The following TET3 variants were observed in gnomAD, a reference collection of about 807,000 sequenced individuals.
TET3 encodes tet methylcytosine dioxygenase 3.
In TET3, 19 loss-of-function variants were observed where a neutral mutation model predicts 141.4. The observed-to-expected ratio is 0.13, with a 90% CI of 0.09 to 0.20. The LOEUF (loss-of-function observed/expected upper bound fraction) is 0.20. Ranked by LOEUF, TET3 falls within the 10% of genes least tolerant of loss-of-function variation. The probability of loss-of-function intolerance (pLI) is 1.00; values close to 1 mark genes in which losing one functional copy is unlikely to be tolerated. For missense variants in TET3, 1,874 were observed against 2,356.9 expected, an observed-to-expected ratio of 0.80 and a Z score of 4.24; for synonymous variants, 1,043 against 980.9, an observed-to-expected ratio of 1.06 and a Z score of -1.18.
intron 5 of TET3, among the ~76,000 whole-genome samples, chr2:74,079,463 C>T (rs2103985320): frequency 1.3e-5 from 2 of 152,308 alleles, no homozygotes; most frequent in South Asian, 2.1e-4. Flanking sequence ...GGTGATATGA[C>T]ATTGCACCTG....
the TET3 span, among the ~76,000 whole-genome samples, chr2:74,123,893 C>G: frequency 6.7e-6 from 1 of 149,398 alleles, no homozygotes. Context: ...ATGTGAGGAG[C>G]GCCTCTGCCA....
chr2:74,027,112 G>A (rs1204105890), intron 3 of TET3, among the ~76,000 whole-genome samples: 1 of 152,162 alleles, frequency 6.6e-6, no homozygotes, highest in Non-Finnish European at 1.5e-5. Flanking sequence ...GAGTTGCAGA[G>A]AATGAATTGC....
intron 5 of TET3, among the ~76,000 whole-genome samples, chr2:74,074,782 G>C (rs559984138): frequency 6.6e-6 from 1 of 152,334 alleles, no homozygotes; most frequent in African/African-American, 2.4e-5. Context: ...TGAGGACTAT[G>C]GAAAAGGTAG....
chr2:74,069,403 A>G (rs919606181), intron 4 of TET3, among the ~76,000 whole-genome samples: 1 of 149,912 alleles, frequency 6.7e-6, no homozygotes, highest in African/African-American at 2.5e-5. Flanking sequence ...AATGATCTGG[A>G]TAAAATAGGT....
rs1691193171 is a variant in TET3 at position 74,101,246 on chromosome 2, A to C, written c.4458A>C (p.Thr1486=). 3.7e-6 allele frequency: 6 copies of C among 1,612,530 alleles called. No homozygotes were observed. Among genetic ancestry groups the C allele is most frequent in the Admixed American group, 1.7e-5 (1 of 59,808 alleles). ...GCTGCCTGGCCCCTTCCCACTTCACAGATGGCCAGTGGGGGCTGTTCCCCG... is the reference window on the plus strand; with the variant it reads ...GCTGCCTGGCCCCTTCCCACTTCACCGATGGCCAGTGGGGGCTGTTCCCCG... The part of the protein sequence containing the change: ...GASCLAPSHF[T]DGQWGLFPGE... The change falls in exon 12 of 12, where the codon ACA becomes ACC. Residue 1486 remains threonine, a synonymous_variant. Transcript: ENST00000409262. The surrounding 1 kb of genome is among the most constrained non-coding windows in gnomAD (Gnocchi z 8.5).
chr2:74,046,093 G>T lies in TET3; in HGVS notation c.361-185G>T, dbSNP rs1687602960. Reference sequence around the variant, plus strand: ...TCTTAAAGATCTTCTTTTTGTTTCTGCTGGTGAAGCTCCCTAGGGAACCAG... The same window carrying T: ...TCTTAAAGATCTTCTTTTTGTTTCTTCTGGTGAAGCTCCCTAGGGAACCAG... On this transcript the variant is annotated intron_variant, in intron 3 of 11. Transcript: ENST00000409262. The surrounding 1 kb of genome is among the most constrained non-coding windows in gnomAD (Gnocchi z 4.3). 2.0e-5 allele frequency among the ~76,000 whole-genome samples: 3 copies of T among 152,142 alleles called. No homozygotes were observed. Among genetic ancestry groups the T allele is most frequent in the South Asian group, 2.1e-4 (1 of 4,826 alleles).
chr2:74,048,560 T>A (rs1293933341), intron 4 of TET3, 149 bp downstream of exon 4: 3 of 925,350 alleles, frequency 3.2e-6, no homozygotes, highest in Non-Finnish European at 4.8e-6. Context: ...GCTCATAGCC[T>A]AGTGGAAAAG....
Position 74,104,813 on chromosome 2 carries a change from A to C in TET3, c.*2637A>C. On this transcript the variant is annotated 3_prime_UTR_variant, in exon 12 of 12. Coordinates refer to ENST00000409262, the MANE Select transcript of TET3 (RefSeq NM_001287491.2). The stretch of plus-strand genomic sequence containing the variant: ...CCCCCAGCCCAAACAGCCTTGGTTC[A>C]TCAGTTTCTGCAGTAGGAGATAGGC... 1 of 205,820 alleles carries C rather than the reference A, an allele frequency of 4.9e-6. No homozygotes were observed. The allele number at this position is 205,820 out of a possible 1,614,324, so 12.7% of individuals were successfully genotyped here. A position where few individuals can be genotyped will look rare whatever the true frequency, so the allele number is the denominator to read the frequency against.
the TET3 span, among the ~76,000 whole-genome samples, chr2:74,128,562 A>T: frequency 6.6e-6 from 1 of 152,196 alleles, no homozygotes; most frequent in Non-Finnish European, 1.5e-5. Flanking sequence ...CAAATGCCCC[A>T]TACTAACGTA....
chr2:74,011,437 G>T (rs144184640), intron 3 of TET3, among the ~76,000 whole-genome samples: 3 of 152,268 alleles, frequency 2.0e-5, no homozygotes, highest in African/African-American at 4.8e-5. Context: ...ACAGTAGTAC[G>T]TGCTGGCTTT....
chr2:74,008,939 C>T (rs1685288058), intron 3 of TET3, among the ~76,000 whole-genome samples: 1 of 152,300 alleles, frequency 6.6e-6, no homozygotes, highest in Middle Eastern at 3.4e-3. Flanking sequence ...GCATTTTTCC[C>T]CCGTGTAATC....
At chr2:74,072,759 C>A (rs555649647) in intron 4 of TET3, among the ~76,000 whole-genome samples, 1 of 152,188 alleles carries the variant, frequency 6.6e-6, no homozygotes, top group African/African-American at 2.4e-5. Context: ...ATTTCCTGCT[C>A]CTCCCAGCCC....
chr2:74,124,308 G>A, the TET3 span, among the ~76,000 whole-genome samples: 2 of 150,998 alleles, frequency 1.3e-5, no homozygotes, highest in African/African-American at 4.9e-5. Flanking sequence ...CTGGGAGGGA[G>A]GTGGGGGGTC....
intron 3 of TET3, among the ~76,000 whole-genome samples, chr2:74,042,211 G>A (rs542326392): frequency 3.3e-5 from 5 of 152,318 alleles, no homozygotes; most frequent in African/African-American, 1.2e-4. Context: ...CAGACCTTGT[G>A]AAACTTGAAC....
intron 4 of TET3, among the ~76,000 whole-genome samples, chr2:74,060,028 T>C (rs1043269475): frequency 2.6e-5 from 4 of 152,212 alleles, no homozygotes; most frequent in South Asian, 2.1e-4. Context: ...TGTATACATG[T>C]GTATACTTAG....
chr2:74,125,328 T>C, the TET3 span, among the ~76,000 whole-genome samples: 3 of 152,196 alleles, frequency 2.0e-5, no homozygotes, highest in Non-Finnish European at 4.4e-5. Flanking sequence ...CCCTACAACA[T>C]GACTCTTACA....
Position 74,101,936 on chromosome 2 carries a change from G to A in TET3, c.5148G>A (p.Leu1716=), listed in dbSNP as rs1246444035. Residue 1716 remains leucine, a synonymous_variant, in exon 12 of 12, where the codon CTG becomes CTA. Coordinates refer to ENST00000409262, the MANE Select transcript of TET3 (RefSeq NM_001287491.2). This position sits in a 1 kb window ranked among gnomAD's most constrained non-coding sequence, Gnocchi z 8.5. Reference sequence around the variant, plus strand: ...TCTGGGAAGCCAAGATGAAGCAGCTGGCGGAGAGGGCACGGGCACGGCAGG... The same window carrying A: ...TCTGGGAAGCCAAGATGAAGCAGCTAGCGGAGAGGGCACGGGCACGGCAGG... ...LALWEAKMKQ[L]AERARARQEE... 2 of 1,613,090 alleles carry A rather than the reference G, an allele frequency of 1.2e-6. No homozygotes were observed. Among genetic ancestry groups the A allele is most frequent in the African/African-American group, 2.7e-5 (2 of 74,928 alleles).
At chr2:74,132,293 C>A in the TET3 span, among the ~76,000 whole-genome samples, 4,848 of 151,978 alleles carry the variant, frequency 0.032, 283 homozygotes, top group African/African-American at 0.11. Flanking sequence ...CTGGGAACTC[C>A]AAAAGAAAGT....
chr2:74,097,627 C>T lies in TET3; in HGVS notation c.3268-1649C>T, dbSNP rs117023380. Among the ~76,000 whole-genome samples the T allele has an allele frequency of 1.8e-3, 267 of 152,232 alleles. 3 individuals are homozygous for T. In the East Asian group the frequency reaches 0.025, roughly 15 times the overall value. The stretch of plus-strand genomic sequence containing the variant: ...AAGAGTGGGGAGCATGGCCCAGAGT[C>T]TTTAGTGGGGTTTTGCAGGGAAGAA... On this transcript the variant is annotated intron_variant, in intron 10 of 11. Coordinates refer to ENST00000409262, the MANE Select transcript of TET3 (RefSeq NM_001287491.2).
Sources: gnomAD v4.1 joint callset for allele counts (sites outside exome capture counted in the v4.1 genomes callset) on GRCh38, gnomAD v4.1.1 for gene constraint, Gnocchi (gnomAD v3.1) non-coding constraint, MANE v1.5 for transcripts, NCBI Gene and HGNC (gene_info 2026-07-23, HGNC 2026-07-21) for gene names.